The following GNL3L variants were observed in gnomAD, a reference collection of about 807,000 sequenced individuals.
GNL3L encodes G protein nucleolar 3 like.
In GNL3L, 4 loss-of-function variants were observed where a neutral mutation model predicts 42.9. That is an observed-to-expected ratio of 0.09 (90% CI 0.05 to 0.21). The LOEUF (loss-of-function observed/expected upper bound fraction) is 0.21, where lower values mean the gene tolerates loss of function less well. GNL3L is among the 10% of genes least tolerant of loss of function. The probability of loss-of-function intolerance (pLI) is 1.00; values close to 1 mark genes in which losing one functional copy is unlikely to be tolerated. For synonymous variants in GNL3L, 159 were observed against 176.3 expected (o/e 0.90, Z 0.78); for missense variants, 412 against 481.7 (o/e 0.86, Z 1.36).
chrX:54,604,365 C>T (rs1926034931), intron 16 of GNL3L, among the ~76,000 whole-genome samples: 1 of 111,520 alleles, frequency 9.0e-6, no homozygotes, highest in Admixed American at 9.5e-5. Context: ...TAATAATAAA[C>T]CAGAGGAAGA....
intron 8 of GNL3L, 66 bp downstream of exon 8, chrX:54,544,392 G>A (rs760930706): frequency 2.1e-4 from 118 of 559,010 alleles, no homozygotes; most frequent in Non-Finnish European, 3.1e-4. Context: ...TGGGAGGGTC[G>A]TGACTTGGAC....
chrX:54,548,971 G>C (rs1045633326), intron 9 of GNL3L, among the ~76,000 whole-genome samples: 2 of 110,775 alleles, frequency 1.8e-5, no homozygotes, highest in Non-Finnish European at 3.8e-5. Flanking sequence ...GGAAAGAGGA[G>C]ACAGATTTAC....
the GNL3L span, among the ~76,000 whole-genome samples, chrX:54,638,574 G>A: frequency 9.0e-6 from 1 of 111,614 alleles, no homozygotes; most frequent in African/African-American, 3.3e-5. Flanking sequence ...GGGTTCAAGC[G>A]TTTCTCCTGC....
rs148829395 is a variant in GNL3L at position 54,539,644 on chromosome X, T to C, written c.82-491T>C. Among the ~76,000 whole-genome samples, 464 of 111,858 alleles carry C rather than the reference T, an allele frequency of 4.1e-3. 5 individuals are homozygous for C. The highest frequency in any genetic ancestry group is 0.014 in the African/African-American group (446 of 30,828). On this transcript the variant is annotated intron_variant, in intron 3 of 15. Coordinates refer to ENST00000360845, the MANE Select transcript of GNL3L (RefSeq NM_001184819.2). ...GAGGATGGGGGAAAACATCGATTGC[T>C]GGGCCCCACCTCAGAGTTTCTGATT...
At chrX:54,575,419 T>C (rs1386973039) in intron 16 of GNL3L, among the ~76,000 whole-genome samples, 2 of 105,033 alleles carry the variant, frequency 1.9e-5, no homozygotes, top group Non-Finnish European at 3.8e-5. Flanking sequence ...ATGCACCTTC[T>C]ATGATTCAAA....
At chrX:54,588,822 C>A (rs975924051) in intron 16 of GNL3L, among the ~76,000 whole-genome samples, 4 of 111,907 alleles carry the variant, frequency 3.6e-5, no homozygotes, top group African/African-American at 1.3e-4. Context: ...AAAAGTGGAA[C>A]CAGCCATATC....
At chrX:54,643,928 T>G in the GNL3L span, among the ~76,000 whole-genome samples, 1 of 112,265 alleles carries the variant, frequency 8.9e-6, no homozygotes, top group Admixed American at 9.5e-5. Context: ...TGCATGTTGT[T>G]ATAAATGACA....
At position 54,563,198 on chromosome X, in the gene GNL3L, T is replaced by G. The variant is rs1033078059; in HGVS notation, c.*2596T>G. 9.0e-6 allele frequency among the ~76,000 whole-genome samples: 1 copy of G among 111,513 alleles called. No homozygotes were observed. Among genetic ancestry groups the G allele is most frequent in the Admixed American group, 9.6e-5 (1 of 10,365 alleles). On this transcript the variant is annotated 3_prime_UTR_variant, in exon 16 of 16. Coordinates refer to ENST00000360845, the MANE Select transcript of GNL3L (RefSeq NM_001184819.2). ...TATTTTGCAACCATACAGCGTTTCATAATTTAGCATTTAAAATACAGACAG... is the reference window on the plus strand; with the variant it reads ...TATTTTGCAACCATACAGCGTTTCAGAATTTAGCATTTAAAATACAGACAG...
At chrX:54,596,452 A>C (rs1402661612) in intron 16 of GNL3L, among the ~76,000 whole-genome samples, 2 of 111,501 alleles carry the variant, frequency 1.8e-5, no homozygotes, top group Non-Finnish European at 3.8e-5. Context: ...AGAGCTGGGG[A>C]TAAAGTGACA....
chrX:54,548,123 C>T, intron 8 of GNL3L, 106 bp from the exon 9 acceptor site: 13 of 562,919 alleles, frequency 2.3e-5, no homozygotes, highest in Non-Finnish European at 3.0e-6. Context: ...CCGTTTCAGG[C>T]TGAGGAGCTC....
At chrX:54,622,219 T>C (rs192581432), downstream of GNL3L, among the ~76,000 whole-genome samples, 267 of 109,999 alleles carry the variant, frequency 2.4e-3, no homozygotes, top group Admixed American at 5.8e-3. Context: ...TTGAGAAATA[T>C]CTAAGTCCTT....
At chrX:54,615,553 A>T (rs1189175900) in intron 16 of GNL3L, among the ~76,000 whole-genome samples, 1 of 111,931 alleles carries the variant, frequency 8.9e-6, no homozygotes, top group African/African-American at 3.2e-5. Flanking sequence ...AAAACCCAAT[A>T]AAAGGCTGGA....
intron 9 of GNL3L, among the ~76,000 whole-genome samples, chrX:54,550,708 T>C (rs2147486845): frequency 8.9e-6 from 1 of 111,782 alleles, no homozygotes; most frequent in African/African-American, 3.2e-5. Context: ...GCCTGGCTGA[T>C]TGTGAGTGGG....
the GNL3L span, among the ~76,000 whole-genome samples, chrX:54,630,697 CCTTTCTTTCTTTTT>C: frequency 6.9e-4 from 4 of 5,813 alleles, no homozygotes; most frequent in Non-Finnish European, 1.1e-3. Context: ...TTCCTTCCTT[CCTTTCTTTCTTTTT>C]CTTTCTTTCT....
the GNL3L span, among the ~76,000 whole-genome samples, chrX:54,639,006 AACAAAGCCC>A: frequency 8.9e-6 from 1 of 112,057 alleles, no homozygotes; most frequent in African/African-American, 3.2e-5. Flanking sequence ...TCTGTGTTTT[AACAAAGCCC>A]TGTAGGTGAT....
chrX:54,538,089 G>A (rs1023723962), intron 2 of GNL3L, among the ~76,000 whole-genome samples: 3 of 110,940 alleles, frequency 2.7e-5, no homozygotes, highest in African/African-American at 9.8e-5. Flanking sequence ...AATACGGGAG[G>A]CTGAGGCAGG....
chrX:54,568,264 G>C (rs1425153877), downstream of GNL3L, among the ~76,000 whole-genome samples: 2 of 112,118 alleles, frequency 1.8e-5, no homozygotes, highest in African/African-American at 3.2e-5. Flanking sequence ...ATTGCACCCA[G>C]CCTATTCTTT....
intron 2 of GNL3L, among the ~76,000 whole-genome samples, chrX:54,535,653 T>G (rs925198209): frequency 8.9e-6 from 1 of 112,346 alleles, no homozygotes; most frequent in Non-Finnish European, 1.9e-5. Context: ...CATGCTTTCA[T>G]GCTTTTGCTT....
At chrX:54,576,751 C>A (rs964478583) in intron 16 of GNL3L, among the ~76,000 whole-genome samples, 1 of 111,357 alleles carries the variant, frequency 9.0e-6, no homozygotes, top group African/African-American at 3.3e-5. Context: ...CAGGTGTGAG[C>A]CACTGTGCTC....
Sources: gnomAD v4.1 joint callset for allele counts (sites outside exome capture counted in the v4.1 genomes callset) on GRCh38, gnomAD v4.1.1 for gene constraint, MANE v1.5 for transcripts, NCBI Gene and HGNC (gene_info 2026-07-23, HGNC 2026-07-21) for gene names.